Variants in DHX8 observed in about 807,000 individuals in gnomAD.
DHX8 encodes the protein ATP-dependent RNA helicase DHX8.
In DHX8, 67 loss-of-function variants were observed where a neutral mutation model predicts 140.7. The ratio of observed to expected loss-of-function variants is 0.48; its 90% CI spans 0.39 to 0.58. The LOEUF is 0.58. DHX8 is among the 20% of genes least tolerant of loss of function. DHX8 has a pLI of 0.00. For missense variants in DHX8, 887 were observed against 1,550.7 expected, an observed-to-expected ratio of 0.57 and a Z score of 7.19; for synonymous variants, 533 against 553.2, an observed-to-expected ratio of 0.96 and a Z score of 0.51.
At chr17:43,493,095 A>C in intron 6 of DHX8, 55 bp downstream of exon 6, 1 of 1,566,864 alleles carries the variant, frequency 6.4e-7, no homozygotes, top group Non-Finnish European at 8.7e-7. Flanking sequence ...TTCTTTTATC[A>C]CTGAGGATGT....
intron 1 of DHX8, among the ~76,000 whole-genome samples, chr17:43,487,065 A>T (rs1473358492): frequency 6.6e-6 from 1 of 152,040 alleles, no homozygotes; most frequent in Non-Finnish European, 1.5e-5. Flanking sequence ...CCCAGTTATT[A>T]TTGGGTAGGT....
intron 8 of DHX8, among the ~76,000 whole-genome samples, chr17:43,494,328 C>T (rs543516845): frequency 3.3e-5 from 5 of 152,246 alleles, no homozygotes; most frequent in African/African-American, 7.2e-5. Flanking sequence ...CCATATCAGC[C>T]ACTTATTAGC....
At chr17:43,499,571 C>G (rs2154586526) in intron 10 of DHX8, among the ~76,000 whole-genome samples, 1 of 152,306 alleles carries the variant, frequency 6.6e-6, no homozygotes, top group Non-Finnish European at 1.5e-5. Context: ...TGAGATGGAT[C>G]TGATCGCTAG....
At chr17:43,503,533 C>T (rs927393804) in intron 11 of DHX8, among the ~76,000 whole-genome samples, 2 of 151,502 alleles carry the variant, frequency 1.3e-5, no homozygotes, top group East Asian at 3.9e-4. Flanking sequence ...TGTGTAATCA[C>T]GTGCACCTGT....
intron 2 of DHX8, chr17:43,532,874 G>T (rs1247016295): frequency 6.2e-7 from 1 of 1,607,410 alleles, no homozygotes; most frequent in East Asian, 2.2e-5. Flanking sequence ...GGCTGGGAGG[G>T]GTTCCCGGCC....
At chr17:43,513,610 G>C in intron 17 of DHX8, 108 bp downstream of exon 17, 1 of 1,155,872 alleles carries the variant, frequency 8.7e-7, no homozygotes, top group Non-Finnish European at 1.2e-6. Flanking sequence ...GAACTTTTAT[G>C]ATACTGGGTA....
rs564064258 is a variant in DHX8 at position 43,525,179 on chromosome 17, G to T, written c.*1332G>T. On this transcript the variant is annotated 3_prime_UTR_variant, in exon 23 of 23. Coordinates refer to ENST00000262415, the MANE Select transcript of DHX8 (RefSeq NM_004941.3). ...CTTACGGAAAGCTGGTCTGGATGTA[G>T]TGCTTGTAGAGAAGCTTCTGAGAGA... 25 of 985,452 alleles carry T rather than the reference G, an allele frequency of 2.5e-5. No individual in the cohort carries two copies. The African/African-American group carries it at 4.0e-4, about 16-fold the overall frequency. 61.0% of individuals were successfully genotyped at this position (985,452 alleles called of 1,614,324 possible).
intron 16 of DHX8, among the ~76,000 whole-genome samples, chr17:43,509,888 C>G (rs1378632977): frequency 1.3e-5 from 2 of 152,114 alleles, no homozygotes; most frequent in Admixed American, 6.5e-5. Flanking sequence ...GGGCTGGTCT[C>G]GAACTCCTGA....
intron 11 of DHX8, among the ~76,000 whole-genome samples, chr17:43,504,095 A>T (rs535452025): frequency 3.3e-5 from 5 of 151,796 alleles, no homozygotes; most frequent in Admixed American, 6.6e-5. Flanking sequence ...AAAATAAAAT[A>T]AAAAAAGTGT....
chr17:43,507,615 ACG>A lies in DHX8; in HGVS notation c.2039_2040del (p.Ala680AspfsTer9). 1 of 1,614,188 alleles carries A rather than the reference ACG, an allele frequency of 6.2e-7. No individual in the cohort carries two copies. Among genetic ancestry groups the A allele is most frequent in the Non-Finnish European group, 8.5e-7 (1 of 1,180,042 alleles). ...TTGATTGACCCTGACCTCACTCAGT[ACG>A]CGATCATCATGTTGGACGAGGCACA... On this transcript the variant is annotated frameshift_variant, in exon 14 of 23. Coordinates refer to ENST00000262415, the MANE Select transcript of DHX8 (RefSeq NM_004941.3). LOFTEE classifies it high-confidence loss of function.
intron 2 of DHX8, among the ~76,000 whole-genome samples, chr17:43,489,779 A>G (rs1968394686): frequency 6.6e-6 from 1 of 151,944 alleles, no homozygotes; most frequent in African/African-American, 2.4e-5. Context: ...TTTAGTAGAG[A>G]TGGGGTTTCA....
Position 43,504,640 on chromosome 17 carries a change from C to G in DHX8, c.1547-4C>G, listed in dbSNP as rs780073406. On this transcript the variant is annotated splice_region_variant and splice_polypyrimidine_tract_variant and intron_variant, in intron 11 of 22. Coordinates refer to ENST00000262415, the MANE Select transcript of DHX8 (RefSeq NM_004941.3). Reference sequence around the variant, plus strand: ...AATACTAAGTTGCCTGTTTTCCTTTCCAGCGGAAGGCAGACAGATTGCTGC... The same window carrying G: ...AATACTAAGTTGCCTGTTTTCCTTTGCAGCGGAAGGCAGACAGATTGCTGC... The G allele has an allele frequency of 6.2e-6, 10 of 1,604,316 alleles. No homozygotes were observed. The African/African-American group carries it at 1.3e-4, about 22-fold the overall frequency.
chr17:43,492,581 G>A (rs1197270511), intron 5 of DHX8, 100 bp from the exon 6 acceptor site: 4 of 701,932 alleles, frequency 5.7e-6, no homozygotes, highest in Non-Finnish European at 9.8e-6. Flanking sequence ...AAAACCTAGT[G>A]GGTACCTACC....
downstream of DHX8, chr17:43,529,503 C>T: frequency 6.2e-7 from 1 of 1,604,628 alleles, no homozygotes; most frequent in Non-Finnish European, 8.5e-7. Flanking sequence ...GAGAGGCCCA[C>T]CTCCTCAGGC....
chr17:43,514,009 G>A (rs9905314), intron 17 of DHX8, among the ~76,000 whole-genome samples: 34,011 of 149,874 alleles, frequency 0.23, 4,080 homozygotes, highest in East Asian at 0.34. Flanking sequence ...CACCACGCCC[G>A]GCCCTTTTTA....
chr17:43,500,550 CAT>C (rs1370198596), intron 11 of DHX8, among the ~76,000 whole-genome samples: 3 of 152,006 alleles, frequency 2.0e-5, no homozygotes, highest in East Asian at 1.9e-4. Context: ...TTCTTAAACA[CAT>C]GTTTAAAACC....
chr17:43,541,986 T>G (rs1245211202), intron 3 of DHX8, among the ~76,000 whole-genome samples: 1 of 152,164 alleles, frequency 6.6e-6, no homozygotes, highest in Non-Finnish European at 1.5e-5. Context: ...CCCTAATTCC[T>G]TTTACTTCAC....
Position 43,504,667 on chromosome 17 carries a change from A to G in DHX8, c.1570A>G (p.Asn524Asp). Residue 524 changes from asparagine (N) to aspartate (D), a missense_variant, in exon 12 of 23, where the codon AAC (asparagine) becomes GAC (aspartate). Asn to Asp is a conservative substitution (Grantham distance 23). Coordinates refer to ENST00000262415, the MANE Select transcript of DHX8 (RefSeq NM_004941.3). ...AGCGGAAGGCAGACAGATTGCTGCC[A>G]ACATGAGGGGTATTGGGATGATGCC... ...PDAEGRQIAANMRGIGMMPND... is the reference protein window; with the variant it reads ...PDAEGRQIAADMRGIGMMPND... 6.2e-7 allele frequency: 1 copy of G among 1,612,332 alleles called. No homozygotes were observed. Among genetic ancestry groups the G allele is most frequent in the African/African-American group, 1.3e-5 (1 of 74,958 alleles).
At chr17:43,523,062 CAAAA>C (rs5820498) in intron 22 of DHX8, among the ~76,000 whole-genome samples, 3 of 102,700 alleles carry the variant, frequency 2.9e-5, no homozygotes, top group East Asian at 2.7e-4. Context: ...GACTCCGTCC[CAAAA>C]AAAAAAAAAA....
Sources: allele counts gnomAD v4.1 joint callset (sites outside exome capture counted in the v4.1 genomes callset), GRCh38; gene constraint gnomAD v4.1.1; transcripts MANE v1.5; gene names NCBI Gene and HGNC (gene_info 2026-07-23, HGNC 2026-07-21).